The following PCDHA8 variants were observed in gnomAD, a reference collection of about 807,000 sequenced individuals.
The protein encoded by PCDHA8 is protocadherin alpha 8.
In PCDHA8, 53 loss-of-function variants were observed where a neutral mutation model predicts 61.8. The observed-to-expected ratio is 0.86, with a 90% confidence interval of 0.69 to 1.08. PCDHA8 has a LOEUF of 1.08. Among genes scored for constraint, PCDHA8 ranks in the 50% least tolerant of loss-of-function variants. PCDHA8 has a pLI of 0.00. For synonymous variants in PCDHA8, 618 were observed against 556.6 expected (o/e 1.11, Z -1.55); for missense variants, 1,293 against 1,245.0 (o/e 1.04, Z -0.58).
chr5:140,868,810 G>A lies in PCDHA8; in HGVS notation c.2394+25095G>A, dbSNP rs944762063. On this transcript the variant is annotated intron_variant, in intron 1 of 3. Transcript: ENST00000531613. Reference sequence around the variant, plus strand: ...GAATATTCCATAAATAAGCACGTTGGAAATATTTGGGGGAAGAAACCCAAA... The same window carrying A: ...GAATATTCCATAAATAAGCACGTTGAAAATATTTGGGGGAAGAAACCCAAA... 1.0e-4 allele frequency: 38 copies of A among 369,934 alleles called. No homozygotes were observed. The Admixed American group carries it at 1.3e-3, about 12-fold the overall frequency. The allele number at this position is 369,934 out of a possible 1,614,324, so 22.9% of individuals were successfully genotyped here.
In PCDHA8 at chr5:140,993,460, TCTCACACA is replaced by T. The variant is rs782648313; in HGVS notation, c.2542+10899_2542+10906del. Among the ~76,000 whole-genome samples, 169 of 104,562 alleles carry T rather than the reference TCTCACACA, an allele frequency of 1.6e-3. 1 individual carries two copies. Among genetic ancestry groups the T allele is most frequent in the East Asian group, 0.012 (43 of 3,448 alleles). 68.6% of individuals were successfully genotyped at this position (104,562 alleles called of 152,430 possible). On this transcript the variant is annotated intron_variant, in intron 3 of 3. Coordinates refer to ENST00000531613, the MANE Select transcript of PCDHA8 (RefSeq NM_018911.3). ...TTCATTCCTGTTCTCCTTCTTTCTT[TCTCACACA>T]CACACACACACACACACACACACAC...
rs186566632 is a variant in PCDHA8, at chr5:140,947,652, T to C, written c.2395-31297T>C. 6.7e-3 allele frequency among the ~76,000 whole-genome samples: 1,010 copies of C among 151,752 alleles called. 2 individuals are homozygous for C. Among genetic ancestry groups the C allele is most frequent in the Non-Finnish European group, 0.01 (702 of 67,572 alleles). On this transcript the variant is annotated intron_variant, in intron 1 of 3. Transcript: ENST00000531613. ...ATCAGATCGTATGAACATATATACCTCCATTTACTTGGGTCTTTAAAAAAT... is the reference window on the plus strand; with the variant it reads ...ATCAGATCGTATGAACATATATACCCCCATTTACTTGGGTCTTTAAAAAAT...
chr5:140,961,338 G>C (rs1554225370), intron 1 of PCDHA8, among the ~76,000 whole-genome samples: 1 of 152,170 alleles, frequency 6.6e-6, no homozygotes, highest in Non-Finnish European at 1.5e-5. Flanking sequence ...GAGACCAAGA[G>C]TGGATCCCTG....
chr5:140,998,743 T>A (rs2097832293), intron 3 of PCDHA8, among the ~76,000 whole-genome samples: 1 of 152,138 alleles, frequency 6.6e-6, no homozygotes, highest in Non-Finnish European at 1.5e-5. Flanking sequence ...TTTGTATTTT[T>A]AGAAGAGACA....
chr5:140,842,086 A>G lies in PCDHA8; in HGVS notation c.765A>G (p.Ala255=). The G allele has an allele frequency of 1.2e-6, 2 of 1,613,926 alleles. No individual in the cohort carries two copies. Among genetic ancestry groups the G allele is most frequent in the Non-Finnish European group, 1.7e-6 (2 of 1,179,882 alleles). ...ACGAAGTAAGAATATTCGAAAACGCAGACAACGGAACAACAGTTATCAAAC... is the reference window on the plus strand; with the variant it reads ...ACGAAGTAAGAATATTCGAAAACGCGGACAACGGAACAACAGTTATCAAAC... ...SEYEVRIFEN[A]DNGTTVIKLN... The change falls in exon 1 of 4, where the codon GCA becomes GCG. Residue 255 remains alanine, a synonymous_variant. Coordinates refer to ENST00000531613, the MANE Select transcript of PCDHA8 (RefSeq NM_018911.3).
rs1307653192 is a variant in PCDHA8, at chr5:141,009,883, G to C, written c.2799G>C (p.Lys933Asn). 1.2e-6 allele frequency: 2 copies of C among 1,613,212 alleles called. No individual in the cohort carries two copies. Among genetic ancestry groups the C allele is most frequent in the Non-Finnish European group, 1.7e-6 (2 of 1,179,888 alleles). Reference sequence around the variant, plus strand: ...AGAAGAAAAAGAAGAAGGGTAACAAGACCCAGGAGAAAAAAGAGAAAGGGA... The same window carrying C: ...AGAAGAAAAAGAAGAAGGGTAACAACACCCAGGAGAAAAAAGAGAAAGGGA... ...KKKKKKKKGNKTQEKKEKGNS... is the reference protein window; with the variant it reads ...KKKKKKKKGNNTQEKKEKGNS... The change falls in exon 4 of 4, where the codon AAG becomes AAC. Residue 933 changes from lysine (K) to asparagine (N), a missense_variant. Coordinates refer to ENST00000531613, the MANE Select transcript of PCDHA8 (RefSeq NM_018911.3).
At chr5:140,855,946 A>G in intron 1 of PCDHA8, 4 of 1,354,082 alleles carry the variant, frequency 3.0e-6, no homozygotes, top group Non-Finnish European at 4.0e-6. Flanking sequence ...GATCTCAGCC[A>G]TTTCGATAAA....
intron 1 of PCDHA8, among the ~76,000 whole-genome samples, chr5:140,914,820 C>T (rs1277610128): frequency 6.6e-6 from 1 of 151,970 alleles, no homozygotes; most frequent in African/African-American, 2.4e-5. Flanking sequence ...TAACAGACTG[C>T]ATAAACAAAA....
chr5:140,858,449 G>A, intron 1 of PCDHA8: 3 of 1,532,030 alleles, frequency 2.0e-6, no homozygotes, highest in African/African-American at 2.8e-5. Context: ...GGGTTATTAC[G>A]TTTTCATTTT....
intron 1 of PCDHA8, among the ~76,000 whole-genome samples, chr5:140,844,193 C>T (rs2150369320): frequency 6.7e-6 from 1 of 149,658 alleles, no homozygotes; most frequent in Admixed American, 6.7e-5. Flanking sequence ...TCTTATCTGA[C>T]TTTTTAGTGT....
intron 1 of PCDHA8, chr5:140,863,094 G>A (rs782437357): frequency 8.7e-6 from 5 of 576,444 alleles, no homozygotes; most frequent in African/African-American, 3.7e-5. Flanking sequence ...TCAGCACGAC[G>A]AGTACCCTGG....
At chr5:140,893,219 G>C (rs1273209081) in intron 1 of PCDHA8, among the ~76,000 whole-genome samples, 1 of 152,194 alleles carries the variant, frequency 6.6e-6, no homozygotes, top group Non-Finnish European at 1.5e-5. Flanking sequence ...GGAGGTGCAG[G>C]TATCACTTTG....
rs782026939 is a variant in PCDHA8, at chr5:140,883,016, A to T, written c.2394+39301A>T. 6.8e-6 allele frequency: 11 copies of T among 1,614,158 alleles called. No individual in the cohort carries two copies. The Admixed American group carries it at 1.7e-4, about 24-fold the overall frequency. On this transcript the variant is annotated intron_variant, in intron 1 of 3. Coordinates refer to ENST00000531613, the MANE Select transcript of PCDHA8 (RefSeq NM_018911.3). ...ATTTTACCAATCCGTTTATAAAGTG[A>T]CGGTGTTAGAGAACGCCTTCAATGG...
chr5:140,859,194 A>G (rs1412348145), intron 1 of PCDHA8: 1 of 149,838 alleles, frequency 6.7e-6, no homozygotes, highest in African/African-American at 2.4e-5. Context: ...ATTGCTTATG[A>G]TATTCAGGTA....
chr5:140,954,091 A>G (rs1055518318), intron 1 of PCDHA8, among the ~76,000 whole-genome samples: 1 of 152,204 alleles, frequency 6.6e-6, no homozygotes, highest in African/African-American at 2.4e-5. Flanking sequence ...AGCTCCATCC[A>G]TGTCCCTGCA....
intron 1 of PCDHA8, chr5:140,883,589 G>C (rs782300348): frequency 6.2e-7 from 1 of 1,614,014 alleles, no homozygotes; most frequent in Non-Finnish European, 8.5e-7. Context: ...CACGGCCAGC[G>C]TGTCGGTGGG....
intron 1 of PCDHA8, among the ~76,000 whole-genome samples, chr5:140,916,438 A>G (rs975528805): frequency 4.6e-5 from 7 of 152,234 alleles, no homozygotes; most frequent in Admixed American, 4.6e-4. Flanking sequence ...TAAGGCCCAC[A>G]GTATACTACC....
intron 1 of PCDHA8, chr5:140,877,987 C>T: frequency 3.5e-6 from 4 of 1,151,316 alleles, no homozygotes; most frequent in Non-Finnish European, 4.6e-6. Context: ...TCATTTTGAA[C>T]TTTTATGTAT....
chr5:140,868,540 A>T (rs1244659306), intron 1 of PCDHA8: 2 of 152,656 alleles, frequency 1.3e-5, no homozygotes, highest in Admixed American at 6.5e-5. Flanking sequence ...AAACAATTCA[A>T]ATTTGATAGT....
Sources: allele counts gnomAD v4.1 joint callset (sites outside exome capture counted in the v4.1 genomes callset), GRCh38; gene constraint gnomAD v4.1.1; transcripts MANE v1.5; gene names NCBI Gene and HGNC (gene_info 2026-07-23, HGNC 2026-07-21).